The following FCHO1 variants were observed in gnomAD, a reference collection of about 807,000 sequenced individuals.
The protein encoded by FCHO1 is FCH and mu domain containing endocytic adaptor 1.
FCHO1 carries 45 observed loss-of-function variants against 114.4 expected under a neutral mutation model. The ratio of observed to expected loss-of-function variants is 0.39; its 90% CI spans 0.31 to 0.50. The LOEUF (loss-of-function observed/expected upper bound fraction) is 0.50, where lower values mean the gene tolerates loss of function less well. Among genes scored for constraint, FCHO1 ranks in the 20% least tolerant of loss-of-function variants. FCHO1 has a pLI of 0.77. For missense variants in FCHO1, 1,042 were observed against 1,209.6 expected, an observed-to-expected ratio of 0.86 and a Z score of 2.06; for synonymous variants, 480 against 488.9, an observed-to-expected ratio of 0.98 and a Z score of 0.24.
At chr19:17,772,323 A>G (rs2091817421) in intron 9 of FCHO1, 134 bp from the exon 10 acceptor site, 1 of 682,056 alleles carries the variant, frequency 1.5e-6, no homozygotes, top group Admixed American at 2.2e-5. Flanking sequence ...CCTAGGGCAG[A>G]CTCTCATTGG....
chr19:17,767,086 T>TC (rs2089526376), intron 7 of FCHO1, among the ~76,000 whole-genome samples: 1 of 150,600 alleles, frequency 6.6e-6, no homozygotes, highest in Non-Finnish European at 1.5e-5. Flanking sequence ...TTTTTTTTTT[T>TC]CTGCTTGTTT....
intron 20 of FCHO1, among the ~76,000 whole-genome samples, chr19:17,780,283 C>T (rs1296514970): frequency 2.6e-5 from 4 of 151,292 alleles, no homozygotes. Context: ...TCTGCCTCAG[C>T]CTCCCAAGTA....
chr19:17,771,482 C>A (rs1176042355), intron 9 of FCHO1, among the ~76,000 whole-genome samples: 11 of 151,170 alleles, frequency 7.3e-5, no homozygotes, highest in Admixed American at 7.3e-4. Flanking sequence ...TCCTGGCTAA[C>A]ACGGTGAAAC....
rs2093916585 is a variant in FCHO1, at chr19:17,786,578, C to G, written c.2431C>G (p.Leu811Val). The stretch of plus-strand genomic sequence containing the variant: ...TTAAGATTCTTTCTCTGCCAGGAAC[C>G]TGGAGGAGAAGCGGCTCACTTGGAG... ...VRLQPAATWN[L>V]EEKRLTWRLP... Residue 811 changes from leucine to valine, a missense_variant, in exon 27 of 29, where the codon CTG becomes GTG. By Grantham distance (32) the Leu-to-Val change is conservative (BLOSUM62 1). Around this residue, in one of 3 missense-constraint regions of FCHO1, gnomAD observed 137 missense variants for 190.0 expected, o/e 0.72. Coordinates refer to ENST00000596536, the MANE Select transcript of FCHO1 (RefSeq NM_015122.3). 7.0e-7 allele frequency: 1 copy of G among 1,426,460 alleles called. No individual in the cohort carries two copies. Among genetic ancestry groups the G allele is most frequent in the Admixed American group, 1.9e-5 (1 of 52,998 alleles). The allele number at this position is 1,426,460 out of a possible 1,614,324, so 88.4% of individuals were successfully genotyped here.
Position 17,775,180 on chromosome 19 carries a change from C to A in FCHO1, c.945+100C>A. On this transcript the variant is annotated intron_variant, in intron 14 of 28. Coordinates refer to ENST00000596536, the MANE Select transcript of FCHO1 (RefSeq NM_015122.3). The surrounding 1 kb of genome is among the most constrained non-coding windows in gnomAD (Gnocchi z 5.1). Reference sequence around the variant, plus strand: ...CGATCCCTACTGGAAACTAAAGAGCCGAGATTGAGGGGCGGGCTGGAGCCT... The same window carrying A: ...CGATCCCTACTGGAAACTAAAGAGCAGAGATTGAGGGGCGGGCTGGAGCCT... 2 of 1,367,980 alleles carry A rather than the reference C, an allele frequency of 1.5e-6. No individual in the cohort carries two copies. Among genetic ancestry groups the A allele is most frequent in the African/African-American group, 1.4e-5 (1 of 69,264 alleles). The allele number at this position is 1,367,980 out of a possible 1,614,324, so 84.7% of individuals were successfully genotyped here.
intron 20 of FCHO1, among the ~76,000 whole-genome samples, chr19:17,779,597 A>G (rs1318057568): frequency 1.2e-5 from 1 of 85,440 alleles, no homozygotes; most frequent in African/African-American, 4.4e-5. Context: ...CAAGGGAAGG[A>G]GGAGGATGGG....
chr19:17,783,157 C>T lies in FCHO1; in HGVS notation c.2078C>T (p.Ala693Val), dbSNP rs767209292. 1 of 1,614,018 alleles carries T rather than the reference C, an allele frequency of 6.2e-7. No individual in the cohort carries two copies. The highest frequency in any genetic ancestry group is 8.5e-7 in the Non-Finnish European group (1 of 1,179,990). The change falls in exon 24 of 29, where the codon GCC (alanine) becomes GTC (valine). Residue 693 changes from alanine to valine, a missense_variant. Transcript: ENST00000596536. ...GCTATTGAGCACTTCCAGCCCAACG[C>T]CGATCTGCTGTTCAGGTACTATGGA... ...TTAIEHFQPN[A>V]DLLFSDPSQS...
chr19:17,778,335 A>AGGACTAGTCCGTGTAGGGGTGGGC (rs2092910488), intron 19 of FCHO1, 107 bp downstream of exon 19: 6 of 797,432 alleles, frequency 7.5e-6, no homozygotes, highest in Non-Finnish European at 1.2e-5. Context: ...GGCTGGAGGG[A>AGGACTAGTCCGTGTAGGGGTGGGC]GGACTAGTCC....
intron 4 of FCHO1, among the ~76,000 whole-genome samples, chr19:17,761,086 G>A (rs1426481364): frequency 6.6e-6 from 1 of 152,132 alleles, no homozygotes; most frequent in Non-Finnish European, 1.5e-5. Flanking sequence ...GAAGGCATTC[G>A]CAGGCACCAG....
rs1382906625 is a variant in FCHO1, at chr19:17,755,169, C to T, written c.5C>T (p.Ser2Leu). The part of the protein sequence containing the change: M[S>L]YFGEHFWGEK... ...GTCTCCACAGAGACCATCAGGATGT[C>T]GTATTTTGGGGAGCATTTTTGGGTA... The change falls in exon 4 of 29, where the codon TCG (serine) becomes TTG (leucine). Residue 2 changes from serine to leucine, a missense_variant. By Grantham distance (145) the Ser-to-Leu change is moderately radical. Transcript: ENST00000596536. 3 of 1,611,434 alleles carry T rather than the reference C, an allele frequency of 1.9e-6. No homozygotes were observed. Among genetic ancestry groups the T allele is most frequent in the Non-Finnish European group, 1.7e-6 (2 of 1,179,070 alleles).
upstream of FCHO1, among the ~76,000 whole-genome samples, chr19:17,751,269 C>T (rs923490867): frequency 6.6e-6 from 1 of 152,144 alleles, no homozygotes. The surrounding 1 kb of genome is among the most constrained non-coding windows in gnomAD (Gnocchi z 4.4). Flanking sequence ...TCAGTTATTT[C>T]CCAATTGCCA....
chr19:17,769,728 A>G (rs2090901785), intron 7 of FCHO1, among the ~76,000 whole-genome samples: 1 of 152,238 alleles, frequency 6.6e-6, no homozygotes, highest in African/African-American at 2.4e-5. Context: ...TTTCTAGAGA[A>G]GTATCACAGT....
chr19:17,757,448 T>A (rs2084053709), intron 4 of FCHO1, among the ~76,000 whole-genome samples: 1 of 152,176 alleles, frequency 6.6e-6, no homozygotes, highest in African/African-American at 2.4e-5. Flanking sequence ...GGGCCAGCAC[T>A]GTGCCAGCCT....
rs756663422 is a variant in FCHO1 at position 17,786,629 on chromosome 19, G to T, written c.2482G>T (p.Gly828Cys). 1.1e-5 allele frequency: 17 copies of T among 1,600,150 alleles called. No homozygotes were observed. Among genetic ancestry groups the T allele is most frequent in the Non-Finnish European group, 1.4e-5 (16 of 1,172,318 alleles). ...GCTTCCAGATGTGTCCGAGGCAGGC[G>T]GTGAGCTGTGGTTGTGTATGAGGGC... Reference protein sequence around the residue: ...WRLPDVSEAGGSGRLSASWEP... With the variant: ...WRLPDVSEAGCSGRLSASWEP... The change falls in exon 27 of 29, where the codon GGT becomes TGT. Residue 828 changes from glycine to cysteine, a missense_variant and splice_region_variant. Transcript: ENST00000596536.
intron 20 of FCHO1, among the ~76,000 whole-genome samples, chr19:17,780,806 G>T (rs1388730124): frequency 6.6e-6 from 1 of 152,164 alleles, no homozygotes; most frequent in African/African-American, 2.4e-5. Flanking sequence ...TGAGGAAGCA[G>T]GAGAGGGAGG....
intron 6 of FCHO1, among the ~76,000 whole-genome samples, chr19:17,765,920 A>C (rs1471781106): frequency 8.8e-6 from 1 of 113,100 alleles, no homozygotes; most frequent in African/African-American, 3.6e-5. Context: ...ACAGAGTCTC[A>C]CTCTGTCGCC....
At chr19:17,769,673 A>G (rs2090878085) in intron 7 of FCHO1, among the ~76,000 whole-genome samples, 1 of 152,204 alleles carries the variant, frequency 6.6e-6, no homozygotes, top group Middle Eastern at 3.4e-3. Context: ...ACTGTTTGTC[A>G]TAAAACTTGG....
At position 17,775,179 on chromosome 19, in the gene FCHO1, C is replaced by A; in HGVS notation, c.945+99C>A. Reference sequence around the variant, plus strand: ...CCGATCCCTACTGGAAACTAAAGAGCCGAGATTGAGGGGCGGGCTGGAGCC... The same window carrying A: ...CCGATCCCTACTGGAAACTAAAGAGACGAGATTGAGGGGCGGGCTGGAGCC... On this transcript the variant is annotated intron_variant, in intron 14 of 28. Coordinates refer to ENST00000596536, the MANE Select transcript of FCHO1 (RefSeq NM_015122.3). This position sits in a 1 kb window ranked among gnomAD's most constrained non-coding sequence, Gnocchi z 5.1. 7.2e-7 allele frequency: 1 copy of A among 1,381,106 alleles called. No individual in the cohort carries two copies. Among genetic ancestry groups the A allele is most frequent in the Non-Finnish European group, 1.0e-6 (1 of 1,001,510 alleles). 85.6% of individuals were successfully genotyped at this position (1,381,106 alleles called of 1,614,324 possible). A position where few individuals can be genotyped will look rare whatever the true frequency, so the allele number is the denominator to read the frequency against.
At chr19:17,762,697 C>T (rs2086818286) in intron 4 of FCHO1, 65 bp from the exon 5 acceptor site, 2 of 1,211,998 alleles carry the variant, frequency 1.7e-6, no homozygotes, top group African/African-American at 1.5e-5. Context: ...TGGCCACGCC[C>T]CCGTTGCTAA....
Sources: allele counts gnomAD v4.1 joint callset (sites outside exome capture counted in the v4.1 genomes callset), GRCh38; gene constraint gnomAD v4.1.1; regional missense constraint gnomAD v4.1.1; non-coding constraint Gnocchi (gnomAD v3.1); transcripts MANE v1.5; gene names NCBI Gene and HGNC (gene_info 2026-07-23, HGNC 2026-07-21).